The following ERICH5 variants were observed in gnomAD, a reference collection of about 807,000 sequenced individuals.
ERICH5 encodes glutamate-rich protein 5.
In ERICH5, 24 loss-of-function variants were observed where a neutral mutation model predicts 28.0. The observed-to-expected ratio is 0.86, with a 90% confidence interval of 0.62 to 1.21. The LOEUF is 1.21. Ranked by LOEUF, ERICH5 falls within the 50% of genes most tolerant of loss-of-function variation. ERICH5 has a pLI of 0.00. For synonymous variants in ERICH5, 163 were observed against 157.6 expected (o/e 1.03, Z -0.25); for missense variants, 421 against 441.2 (o/e 0.95, Z 0.41).
chr8:98,085,601 AC>A (rs1259424410), intron 1 of ERICH5, among the ~76,000 whole-genome samples: 2 of 152,166 alleles, frequency 1.3e-5, no homozygotes, highest in South Asian at 2.1e-4. Context: ...TTGGGAAAAT[AC>A]CTATAAGTTA....
intron 1 of ERICH5, among the ~76,000 whole-genome samples, chr8:98,082,274 A>G (rs182569731): frequency 1.3e-5 from 2 of 152,218 alleles, no homozygotes; most frequent in African/African-American, 2.4e-5. Context: ...TTGGTTGACT[A>G]TTTTCAGGTT....
rs1237155656 is a variant in ERICH5, at chr8:98,093,302, G to C, written c.1094G>C (p.Gly365Ala). 2 of 1,613,794 alleles carry C rather than the reference G, an allele frequency of 1.2e-6. No homozygotes were observed. The highest frequency in any genetic ancestry group is 4.5e-5 in the East Asian group (2 of 44,886). The stretch of plus-strand genomic sequence containing the variant: ...GCTGAAACCAAAGAAGAAGAAACAG[G>C]AGAAGTGGTGGACCTTTCAGCAGCC... ...EGAETKEEET[G>A]EVVDLSAAT Residue 365 changes from glycine (G) to alanine (A), a missense_variant, in exon 3 of 3, where the codon GGA becomes GCA. By Grantham distance (60) the Gly-to-Ala change is moderately conservative (BLOSUM62 0). Coordinates refer to ENST00000318528, the MANE Select transcript of ERICH5 (RefSeq NM_173549.3).
intron 1 of ERICH5, among the ~76,000 whole-genome samples, chr8:98,073,516 G>A (rs4998236): frequency 0.011 from 56 of 5,242 alleles, 1 homozygote; most frequent in East Asian, 0.079. Context: ...ATATATATAT[G>A]TATATATATA....
In ERICH5 at chr8:98,091,900, C is replaced by CTTTCTTTCTTTCTTTCTTTTT; in HGVS notation, c.1013-1321_1013-1320insTTTCTTTCTTTCTTTCTTTTT. ...TCTTTCTTTCTTTCTTTCTTTCTTT[C>CTTTCTTTCTTTCTTTCTTTTT]CTTTCTTTCTTTCTTTCTTCCTTTC... On this transcript the variant is annotated intron_variant, in intron 2 of 2. Coordinates refer to ENST00000318528, the MANE Select transcript of ERICH5 (RefSeq NM_173549.3). Among the ~76,000 whole-genome samples the CTTTCTTTCTTTCTTTCTTTTT allele has an allele frequency of 4.0e-5, 3 of 74,676 alleles. 1 individual carries two copies. Among genetic ancestry groups the CTTTCTTTCTTTCTTTCTTTTT allele is most frequent in the African/African-American group, 1.7e-4 (3 of 17,796 alleles). 49.0% of individuals were successfully genotyped at this position (74,676 alleles called of 152,430 possible). A position where few individuals can be genotyped will look rare whatever the true frequency, so the allele number is the denominator to read the frequency against.
At chr8:98,068,978 A>G (rs1163596030) in intron 1 of ERICH5, among the ~76,000 whole-genome samples, 1 of 152,200 alleles carries the variant, frequency 6.6e-6, no homozygotes, top group Non-Finnish European at 1.5e-5. Flanking sequence ...TCATACCTTC[A>G]GTTTTCACCC....
chr8:98,065,736 A>G (rs1814808108), intron 1 of ERICH5, among the ~76,000 whole-genome samples: 1 of 152,242 alleles, frequency 6.6e-6, no homozygotes, highest in African/African-American at 2.4e-5. Context: ...AAACTCCGTC[A>G]AGCTAGTTTA....
intron 1 of ERICH5, among the ~76,000 whole-genome samples, chr8:98,069,698 G>T (rs946753923): frequency 6.6e-6 from 1 of 152,178 alleles, no homozygotes; most frequent in East Asian, 1.9e-4. Context: ...TTGAATGTGT[G>T]CAAGTATATC....
intron 1 of ERICH5, among the ~76,000 whole-genome samples, chr8:98,081,411 G>A (rs1381243590): frequency 6.6e-6 from 1 of 152,142 alleles, no homozygotes; most frequent in Non-Finnish European, 1.5e-5. Context: ...CAGACACTGT[G>A]CACCTAATTT....
intron 1 of ERICH5, among the ~76,000 whole-genome samples, chr8:98,067,131 T>G (rs1440370852): frequency 3.3e-5 from 5 of 152,200 alleles, no homozygotes; most frequent in Non-Finnish European, 7.3e-5. Flanking sequence ...GAATCAGAGC[T>G]GGGCTTTGAA....
chr8:98,087,065 G>A (rs989565963), intron 1 of ERICH5, among the ~76,000 whole-genome samples: 2 of 152,116 alleles, frequency 1.3e-5, no homozygotes, highest in Non-Finnish European at 2.9e-5. Flanking sequence ...TAATTGAGAC[G>A]GGCGTGGTGG....
intron 1 of ERICH5, among the ~76,000 whole-genome samples, chr8:98,087,885 C>A (rs955976472): frequency 6.6e-6 from 1 of 151,818 alleles, no homozygotes; most frequent in Non-Finnish European, 1.5e-5. Flanking sequence ...TGTTCTTGAA[C>A]TTATTAGACT....
chr8:98,082,697 C>T (rs566399780), intron 1 of ERICH5, among the ~76,000 whole-genome samples: 9 of 150,676 alleles, frequency 6.0e-5, no homozygotes, highest in Admixed American at 2.0e-4. Flanking sequence ...CATAGAGAGA[C>T]GCTGTTTCTA....
At chr8:98,067,438 A>C (rs950699102) in intron 1 of ERICH5, among the ~76,000 whole-genome samples, 19 of 151,698 alleles carry the variant, frequency 1.3e-4, no homozygotes, top group Non-Finnish European at 1.8e-4. Context: ...AGTCTGGGCA[A>C]CAGAGTGAGA....
intron 1 of ERICH5, among the ~76,000 whole-genome samples, chr8:98,073,450 A>C (rs1405462658): frequency 0.044 from 611 of 13,842 alleles, 130 homozygotes; most frequent in Admixed American, 0.06. Flanking sequence ...ATATATATAT[A>C]TATATATATG....
intron 2 of ERICH5, 38 bp downstream of exon 2, chr8:98,090,067 G>A (rs373052950): frequency 6.8e-7 from 1 of 1,475,524 alleles, no homozygotes; most frequent in Middle Eastern, 1.8e-4. Context: ...GTTTAGATGT[G>A]CTCCATAGGA....
chr8:98,076,754 G>A (rs1431433492), intron 1 of ERICH5, among the ~76,000 whole-genome samples: 1 of 152,050 alleles, frequency 6.6e-6, no homozygotes, highest in African/African-American at 2.4e-5. Flanking sequence ...AATCATCTGG[G>A]GATCTTGTTA....
chr8:98,091,423 C>T (rs1350811934), intron 2 of ERICH5, among the ~76,000 whole-genome samples: 1 of 152,076 alleles, frequency 6.6e-6, no homozygotes, highest in Non-Finnish European at 1.5e-5. Flanking sequence ...GTAAGAAGGG[C>T]CCTGGGAACA....
At chr8:98,071,093 G>A (rs757278563) in intron 1 of ERICH5, among the ~76,000 whole-genome samples, 4 of 151,976 alleles carry the variant, frequency 2.6e-5, no homozygotes, top group Admixed American at 6.6e-5. Flanking sequence ...GTGAAACCCC[G>A]TCTCTACTAA....
intron 1 of ERICH5, among the ~76,000 whole-genome samples, chr8:98,085,850 G>A (rs890754582): frequency 6.6e-6 from 1 of 152,156 alleles, no homozygotes; most frequent in African/African-American, 2.4e-5. Flanking sequence ...CTCAACTCAT[G>A]TGTGACTTCT....
Sources: allele counts gnomAD v4.1 joint callset (sites outside exome capture counted in the v4.1 genomes callset), GRCh38; gene constraint gnomAD v4.1.1; transcripts MANE v1.5; gene names NCBI Gene and HGNC (gene_info 2026-07-23, HGNC 2026-07-21).